ARHGAP42: variants seen among roughly 807,000 people sequenced by gnomAD.
The protein encoded by ARHGAP42 is rho GTPase-activating protein 42.
A neutral mutation model predicts 125.0 loss-of-function variants in ARHGAP42; 63 were observed. The ratio of observed to expected loss-of-function variants is 0.50; its 90% CI spans 0.41 to 0.62. ARHGAP42 has a LOEUF of 0.62. Ranked by LOEUF, ARHGAP42 falls within the 20% of genes least tolerant of loss-of-function variation. The pLI is 0.00. For synonymous variants in ARHGAP42, 339 were observed against 351.0 expected (o/e 0.97, Z 0.38); for missense variants, 766 against 1,024.2 (o/e 0.75, Z 3.44).
intron 4 of ARHGAP42, among the ~76,000 whole-genome samples, chr11:100,872,964 T>C (rs1047411446): frequency 6.6e-6 from 1 of 152,172 alleles, no homozygotes; most frequent in African/African-American, 2.4e-5. Context: ...TTGAAAGGCA[T>C]CACTGATGTA....
chr11:100,721,592 C>T lies in ARHGAP42; in HGVS notation c.154+33760C>T, dbSNP rs557067200. Among the ~76,000 whole-genome samples, 3 of 152,002 alleles carry T rather than the reference C, an allele frequency of 2.0e-5. No individual in the cohort carries two copies. The South Asian group carries it at 6.2e-4, about 32-fold the overall frequency. On this transcript the variant is annotated intron_variant, in intron 1 of 23. Coordinates refer to ENST00000298815, the MANE Select transcript of ARHGAP42 (RefSeq NM_152432.4). ...GGTTCAAGCAATTCTTCTGCCTCAG[C>T]CTCTTGAGTAGCTGGGATTACAGGC...
At chr11:100,855,130 T>G (rs1865296049) in intron 3 of ARHGAP42, among the ~76,000 whole-genome samples, 1 of 152,154 alleles carries the variant, frequency 6.6e-6, no homozygotes, top group African/African-American at 2.4e-5. Flanking sequence ...CCTTAAGCAA[T>G]TGCTTTAAAT....
At chr11:100,890,360 T>G (rs1866188864) in intron 4 of ARHGAP42, among the ~76,000 whole-genome samples, 1 of 152,234 alleles carries the variant, frequency 6.6e-6, no homozygotes, top group Admixed American at 6.5e-5. Flanking sequence ...TTTTGATGGC[T>G]TTCTGTATTA....
intron 3 of ARHGAP42, among the ~76,000 whole-genome samples, chr11:100,840,881 A>G (rs1359159447): frequency 6.6e-6 from 1 of 152,136 alleles, no homozygotes; most frequent in Non-Finnish European, 1.5e-5. Context: ...AAAAGACACT[A>G]TGTTAGTGCT....
intron 3 of ARHGAP42, among the ~76,000 whole-genome samples, chr11:100,813,010 A>G (rs1370642404): frequency 6.6e-6 from 1 of 152,202 alleles, no homozygotes; most frequent in Non-Finnish European, 1.5e-5. Flanking sequence ...TCATTACTTA[A>G]AAGACAATGA....
chr11:100,861,349 A>G (rs564633301), intron 4 of ARHGAP42, among the ~76,000 whole-genome samples: 1 of 152,332 alleles, frequency 6.6e-6, no homozygotes, highest in East Asian at 1.9e-4. Flanking sequence ...GTGCAGCTTT[A>G]TAAATGACTC....
chr11:100,727,793 T>C (rs913729099), intron 1 of ARHGAP42, among the ~76,000 whole-genome samples: 2 of 152,208 alleles, frequency 1.3e-5, no homozygotes, highest in African/African-American at 4.8e-5. Flanking sequence ...CAGTAGTACA[T>C]ACATTGCTTT....
chr11:100,731,552 A>G (rs569418414), intron 1 of ARHGAP42, among the ~76,000 whole-genome samples: 68 of 152,278 alleles, frequency 4.5e-4, no homozygotes, highest in African/African-American at 1.3e-3. Context: ...GCTTACCCAG[A>G]TATTGTCAAT....
At chr11:100,980,387 G>A (rs1465763279) in intron 22 of ARHGAP42, among the ~76,000 whole-genome samples, 3 of 151,774 alleles carry the variant, frequency 2.0e-5, no homozygotes, top group African/African-American at 7.3e-5. Flanking sequence ...CTTTTATTAG[G>A]AAGCTCTAAA....
chr11:100,798,355 T>C (rs11224457), intron 3 of ARHGAP42, among the ~76,000 whole-genome samples: 7,758 of 152,302 alleles, frequency 0.051, 256 homozygotes, highest in East Asian at 0.18. Context: ...CAATCAATGC[T>C]ACAGACTTCA....
At chr11:100,831,929 A>G (rs978856273) in intron 3 of ARHGAP42, among the ~76,000 whole-genome samples, 3 of 152,216 alleles carry the variant, frequency 2.0e-5, no homozygotes, top group African/African-American at 7.2e-5. Flanking sequence ...TCCACTTGGA[A>G]ATGGAGGAAT....
chr11:100,862,099 C>T (rs528538392), intron 4 of ARHGAP42, among the ~76,000 whole-genome samples: 3 of 152,200 alleles, frequency 2.0e-5, no homozygotes, highest in East Asian at 3.9e-4. Context: ...TTTTTATTGG[C>T]GGGGACTTTC....
At position 100,837,666 on chromosome 11, in the gene ARHGAP42, C is replaced by CTTTTTTT. The variant is rs373059302; in HGVS notation, c.313-21863_313-21857dup. Among the ~76,000 whole-genome samples the CTTTTTTT allele has an allele frequency of 3.9e-3, 236 of 60,958 alleles. 34 individuals are homozygous for CTTTTTTT. Among genetic ancestry groups the CTTTTTTT allele is most frequent in the African/African-American group, 0.012 (164 of 14,112 alleles). The allele number at this position is 60,958 out of a possible 152,430, so 40.0% of individuals were successfully genotyped here. A position where few individuals can be genotyped will look rare whatever the true frequency, so the allele number is the denominator to read the frequency against. ...CAGTTCCCAGAATCTAGGTGTCATC[C>CTTTTTTT]TTTTTTTTTTTTTTTTTTTTTTTTT... On this transcript the variant is annotated intron_variant, in intron 3 of 23. Transcript: ENST00000298815.
chr11:100,748,561 T>C (rs1217328540), intron 1 of ARHGAP42, among the ~76,000 whole-genome samples: 1 of 152,160 alleles, frequency 6.6e-6, no homozygotes, highest in Non-Finnish European at 1.5e-5. Flanking sequence ...ATCTTTTTGC[T>C]TTTTTGTTTT....
chr11:100,987,473 T>C lies in ARHGAP42; in HGVS notation c.2457-40T>C, dbSNP rs531958701. The C allele has an allele frequency of 3.0e-5, 44 of 1,472,936 alleles. No individual in the cohort carries two copies. In the African/African-American group the frequency reaches 5.2e-4, roughly 17 times the overall value. 91.2% of individuals were successfully genotyped at this position (1,472,936 alleles called of 1,614,324 possible). On this transcript the variant is annotated intron_variant, in intron 22 of 23. Coordinates refer to ENST00000298815, the MANE Select transcript of ARHGAP42 (RefSeq NM_152432.4). ...AGTTTTAAATATAGATGTCCTTAGG[T>C]TGAGTGTTGAGGTTTTGACAAGTTG...
chr11:100,795,726 C>A (rs1863694684), intron 3 of ARHGAP42, among the ~76,000 whole-genome samples: 1 of 152,082 alleles, frequency 6.6e-6, no homozygotes, highest in African/African-American at 2.4e-5. Context: ...GATTTTATGC[C>A]CAATGTTTTC....
At chr11:100,947,260 T>A (rs1868048481) in intron 10 of ARHGAP42, among the ~76,000 whole-genome samples, 1 of 152,020 alleles carries the variant, frequency 6.6e-6, no homozygotes, top group Admixed American at 6.6e-5. Context: ...TTAAGACTAC[T>A]GCATAAAGAG....
rs59112603 is a variant in ARHGAP42 at position 100,952,734 on chromosome 11, C to CTTTTT, written c.1162+2785_1162+2789dup. Reference sequence around the variant, plus strand: ...GTATTACTAATTCACCTAAGTCAGGCTTTTTTTTTTTGAGATGGAGTCTCA... The same window carrying CTTTTT: ...GTATTACTAATTCACCTAAGTCAGGCTTTTTTTTTTTTTTTTGAGATGGAGTCTCA... On this transcript the variant is annotated intron_variant, in intron 12 of 23. Coordinates refer to ENST00000298815, the MANE Select transcript of ARHGAP42 (RefSeq NM_152432.4). Among the ~76,000 whole-genome samples, 3 of 117,526 alleles carry CTTTTT rather than the reference C, an allele frequency of 2.6e-5. 1 individual carries two copies. The highest frequency in any genetic ancestry group is 6.3e-5 in the African/African-American group (2 of 31,586). 77.1% of individuals were successfully genotyped at this position (117,526 alleles called of 152,430 possible).
chr11:100,979,565 A>T (rs983767879), intron 22 of ARHGAP42, among the ~76,000 whole-genome samples: 52 of 152,258 alleles, frequency 3.4e-4, no homozygotes, highest in African/African-American at 1.2e-3. Context: ...GAGTTGTTAC[A>T]TCTTGCTTCT....
Sources: gnomAD v4.1 joint callset for allele counts (sites outside exome capture counted in the v4.1 genomes callset) on GRCh38, gnomAD v4.1.1 for gene constraint, MANE v1.5 for transcripts, NCBI Gene and HGNC (gene_info 2026-07-23, HGNC 2026-07-21) for gene names.